The following GRID2 variants were observed in gnomAD, a reference collection of about 807,000 sequenced individuals.
The protein encoded by GRID2 is glutamate receptor ionotropic, delta-2.
In GRID2, 33 loss-of-function variants were observed where a neutral mutation model predicts 114.8. That is an observed-to-expected ratio of 0.29 (90% CI 0.22 to 0.38). The LOEUF is 0.38. Ranked by LOEUF, GRID2 falls within the 10% of genes least tolerant of loss-of-function variation. The pLI is 1.00. For missense variants in GRID2, 1,184 were observed against 1,257.7 expected (o/e 0.94, Z 0.89); for synonymous variants, 505 against 449.9 (o/e 1.12, Z -1.55).
chr4:92,591,246 C>T (rs370521057), intron 2 of GRID2, among the ~76,000 whole-genome samples: 8 of 152,050 alleles, frequency 5.3e-5, no homozygotes, highest in South Asian at 2.1e-4. Flanking sequence ...AAGAAGGCAC[C>T]GTCTGTGAAG....
At chr4:92,451,693 G>A (rs1720934209) in intron 1 of GRID2, among the ~76,000 whole-genome samples, 1 of 152,084 alleles carries the variant, frequency 6.6e-6, no homozygotes. Context: ...GTTCATCTTT[G>A]GTTTCAGGCT....
intron 14 of GRID2, among the ~76,000 whole-genome samples, chr4:93,626,643 G>A (rs531690979): frequency 1.1e-4 from 17 of 152,144 alleles, no homozygotes; most frequent in South Asian, 4.1e-4. Context: ...CATAAGTAGC[G>A]GGAAAAATAA....
intron 2 of GRID2, among the ~76,000 whole-genome samples, chr4:92,612,301 G>A (rs1380736956): frequency 4.6e-5 from 7 of 151,274 alleles, no homozygotes; most frequent in Admixed American, 2.6e-4. Context: ...CAGAATACTC[G>A]TGTCTTCCAT....
At chr4:93,456,028 C>T (rs1723157335) in intron 11 of GRID2, 54 bp downstream of exon 11, 3 of 1,026,950 alleles carry the variant, frequency 2.9e-6, no homozygotes, top group Non-Finnish European at 4.6e-6. Context: ...GTGATGTTTC[C>T]AAAGCCATGT....
chr4:92,720,823 C>T lies in GRID2; in HGVS notation c.244+130537C>T, dbSNP rs115574206. ...CTGGGTATATACCCATAAACATTGGCAGCAGGGACTTGAACAGATATTTGT... is the reference window on the plus strand; with the variant it reads ...CTGGGTATATACCCATAAACATTGGTAGCAGGGACTTGAACAGATATTTGT... On this transcript the variant is annotated intron_variant, in intron 2 of 15. Transcript: ENST00000282020. Among the ~76,000 whole-genome samples, 1,044 of 152,130 alleles carry T rather than the reference C, an allele frequency of 6.9e-3. 14 individuals are homozygous for T. The highest frequency in any genetic ancestry group is 0.023 in the African/African-American group (938 of 41,514).
chr4:93,360,594 G>C (rs954260285), intron 8 of GRID2, among the ~76,000 whole-genome samples: 1 of 151,624 alleles, frequency 6.6e-6, no homozygotes, highest in African/African-American at 2.4e-5. Context: ...ATTGCATTGT[G>C]GTCAGATAAT....
At chr4:93,794,764 C>T (rs972748599) in intron 1 of GRID2, among the ~76,000 whole-genome samples, 1 of 152,204 alleles carries the variant, frequency 6.6e-6, no homozygotes, top group Non-Finnish European at 1.5e-5. Context: ...CCAGTTTCTT[C>T]TTCCATTTTT....
At chr4:93,608,390 C>T (rs377315654) in intron 13 of GRID2, among the ~76,000 whole-genome samples, 6 of 141,126 alleles carry the variant, frequency 4.3e-5, no homozygotes, top group South Asian at 4.5e-4. Context: ...ATACATGTGC[C>T]ATGCTGGTGC....
At chr4:92,586,381 CACACACACACACAT>C (rs971597605) in intron 1 of GRID2, among the ~76,000 whole-genome samples, 7 of 132,684 alleles carry the variant, frequency 5.3e-5, no homozygotes, top group Admixed American at 4.4e-4. Flanking sequence ...CACACACACA[CACACACACACACAT>C]ACACACACAC....
At chr4:92,718,761 C>CAAAAAA (rs3077559) in intron 2 of GRID2, among the ~76,000 whole-genome samples, 7 of 41,744 alleles carry the variant, frequency 1.7e-4, no homozygotes, top group Admixed American at 3.1e-4. Flanking sequence ...AGACCCTGTC[C>CAAAAAA]AAAAAAAAAA....
At chr4:92,480,480 CCTGT>C (rs1560659458) in intron 1 of GRID2, among the ~76,000 whole-genome samples, 1 of 152,034 alleles carries the variant, frequency 6.6e-6, no homozygotes. Flanking sequence ...TGCCACAGTG[CCTGT>C]CTTAGTTTCC....
At chr4:92,627,394 A>T (rs922859843) in intron 2 of GRID2, among the ~76,000 whole-genome samples, 6 of 152,136 alleles carry the variant, frequency 3.9e-5, no homozygotes, top group Non-Finnish European at 7.4e-5. Flanking sequence ...GAACAAAAAC[A>T]TAACTTAAAA....
At chr4:92,966,175 G>A (rs1753143586) in intron 2 of GRID2, among the ~76,000 whole-genome samples, 1 of 151,886 alleles carries the variant, frequency 6.6e-6, no homozygotes. Context: ...CAAGGCCTCT[G>A]CCCTCAAAAG....
chr4:93,263,350 C>T (rs1750461721), intron 8 of GRID2, among the ~76,000 whole-genome samples: 3 of 152,000 alleles, frequency 2.0e-5, no homozygotes, highest in Admixed American at 2.0e-4. Flanking sequence ...AGCAAGATAT[C>T]AGACTCATAC....
At chr4:92,330,360 T>C (rs1362603531) in intron 1 of GRID2, among the ~76,000 whole-genome samples, 3 of 152,126 alleles carry the variant, frequency 2.0e-5, no homozygotes, top group Non-Finnish European at 4.4e-5. Flanking sequence ...GTAACCAGAA[T>C]CTTGCAGTGG....
chr4:93,645,720 T>C (rs1030971664), intron 14 of GRID2, among the ~76,000 whole-genome samples: 1 of 152,170 alleles, frequency 6.6e-6, no homozygotes, highest in Non-Finnish European at 1.5e-5. Flanking sequence ...ATAAGGCTTC[T>C]ATAGAAAATT....
intron 9 of GRID2, among the ~76,000 whole-genome samples, chr4:93,410,741 G>A (rs1168104899): frequency 6.6e-6 from 1 of 152,138 alleles, no homozygotes; most frequent in Non-Finnish European, 1.5e-5. Flanking sequence ...GCGCCAACAT[G>A]CCTGGCTAAT....
At chr4:92,985,262 C>T (rs1250932964) in intron 2 of GRID2, among the ~76,000 whole-genome samples, 1 of 147,892 alleles carries the variant, frequency 6.8e-6, no homozygotes, top group African/African-American at 2.5e-5. Flanking sequence ...CTCGCTCTGT[C>T]TCCCAGGCTG....
chr4:92,901,453 A>T (rs1747579066), intron 2 of GRID2, among the ~76,000 whole-genome samples: 1 of 152,120 alleles, frequency 6.6e-6, no homozygotes, highest in Non-Finnish European at 1.5e-5. Context: ...TATTTACTCT[A>T]TGATTATAAC....
Sources: gnomAD v4.1 joint callset for allele counts (sites outside exome capture counted in the v4.1 genomes callset) on GRCh38, gnomAD v4.1.1 for gene constraint, MANE v1.5 for transcripts, NCBI Gene and HGNC (gene_info 2026-07-23, HGNC 2026-07-21) for gene names.